PCDH11X: variants seen among roughly 807,000 people sequenced by gnomAD.
The protein encoded by PCDH11X is protocadherin-11 X-linked.
Under a neutral mutation model 53.3 loss-of-function variants are expected in PCDH11X, and 18 were observed. That is an observed-to-expected ratio of 0.34 (90% CI 0.23 to 0.50). The LOEUF (loss-of-function observed/expected upper bound fraction) is 0.50, where lower values mean the gene tolerates loss of function less well. Ranked by LOEUF, PCDH11X falls within the 20% of genes least tolerant of loss-of-function variation. PCDH11X has a pLI of 0.98. For missense variants in PCDH11X, 570 were observed against 1,032.4 expected, an observed-to-expected ratio of 0.55 and a Z score of 6.14; for synonymous variants, 279 against 393.3, an observed-to-expected ratio of 0.71 and a Z score of 3.44.
chrX:92,557,825 A>G (rs2075069298), intron 10 of PCDH11X, among the ~76,000 whole-genome samples: 1 of 109,829 alleles, frequency 9.1e-6, no homozygotes, highest in Admixed American at 9.7e-5. Flanking sequence ...AGTGACATGA[A>G]AAAAAAAACC....
chrX:92,591,744 C>A (rs941528374), intron 10 of PCDH11X, among the ~76,000 whole-genome samples: 10 of 111,303 alleles, frequency 9.0e-5, no homozygotes, highest in Non-Finnish European at 1.3e-4. Flanking sequence ...GATGAATCAG[C>A]ATGTTCTTCA....
chrX:92,042,319 T>C (rs2063220869), intron 6 of PCDH11X, among the ~76,000 whole-genome samples: 1 of 107,595 alleles, frequency 9.3e-6, no homozygotes, highest in African/African-American at 3.4e-5. Flanking sequence ...ATATATTTAC[T>C]TTTATTAAAT....
chrX:92,593,342 G>T (rs111231370), intron 10 of PCDH11X, among the ~76,000 whole-genome samples: 2,063 of 111,682 alleles, frequency 0.018, 38 homozygotes, highest in African/African-American at 0.06. Context: ...TTTGTCATGG[G>T]CTCTGCAATG....
intron 6 of PCDH11X, among the ~76,000 whole-genome samples, chrX:92,007,438 A>G (rs1182344290): frequency 9.0e-6 from 1 of 111,021 alleles, no homozygotes; most frequent in Admixed American, 9.6e-5. Flanking sequence ...ATACTCCCTT[A>G]TGACCCAAGG....
intron 8 of PCDH11X, among the ~76,000 whole-genome samples, chrX:92,310,156 T>C (rs2068918954): frequency 8.9e-6 from 1 of 112,048 alleles, no homozygotes; most frequent in East Asian, 2.8e-4. Flanking sequence ...CTTTATTACC[T>C]GATTCTAAAC....
At chrX:92,187,645 G>A (rs1360278145) in intron 6 of PCDH11X, among the ~76,000 whole-genome samples, 1 of 111,547 alleles carries the variant, frequency 9.0e-6, no homozygotes, top group Non-Finnish European at 1.9e-5. Context: ...TTATAATTCT[G>A]TCAATACTGC....
intron 6 of PCDH11X, among the ~76,000 whole-genome samples, chrX:92,025,704 G>T (rs1268323293): frequency 1.0e-5 from 1 of 100,317 alleles, no homozygotes. Flanking sequence ...CCAATACTGG[G>T]TATATACCCA....
At chrX:92,384,920 G>A (rs1375236721) in intron 8 of PCDH11X, among the ~76,000 whole-genome samples, 1 of 97,876 alleles carries the variant, frequency 1.0e-5, no homozygotes, top group Non-Finnish European at 2.1e-5. Flanking sequence ...AGGGCTGTTA[G>A]TGTATTTGTT....
chrX:92,100,640 G>A (rs184247592), intron 6 of PCDH11X, among the ~76,000 whole-genome samples: 7 of 110,936 alleles, frequency 6.3e-5, no homozygotes, highest in Middle Eastern at 9.2e-3. Flanking sequence ...GGTCGTATCC[G>A]TGCAAGTCAC....
rs1235308087 is a variant in PCDH11X at position 92,489,571 on chromosome X, C to CT, written c.3367+21258dup. Among the ~76,000 whole-genome samples, 3 of 107,648 alleles carry CT rather than the reference C, an allele frequency of 2.8e-5. No individual in the cohort carries two copies. The South Asian group carries it at 1.2e-3, about 43-fold the overall frequency. The allele number at this position is 107,648 out of a possible 115,157, so 93.5% of individuals were successfully genotyped here. On this transcript the variant is annotated intron_variant, in intron 10 of 10. Coordinates refer to ENST00000682573, the MANE Select transcript of PCDH11X (RefSeq NM_032968.5). ...TTTTCTGCATGTATCCCGACTCCTG[C>CT]TTTTTTTTTCCCCTTCAGATCCACA...
intron 6 of PCDH11X, among the ~76,000 whole-genome samples, chrX:92,180,810 G>A (rs770733098): frequency 3.6e-5 from 4 of 111,003 alleles, no homozygotes; most frequent in East Asian, 2.8e-4. Context: ...ATGGCCTTCC[G>A]CCATGATTTT....
chrX:92,564,778 C>T (rs1440524605), intron 10 of PCDH11X, among the ~76,000 whole-genome samples: 2 of 110,816 alleles, frequency 1.8e-5, no homozygotes, highest in African/African-American at 6.5e-5. Context: ...GGGATTTGGT[C>T]ATCAAATTAA....
intron 6 of PCDH11X, among the ~76,000 whole-genome samples, chrX:92,150,923 T>A (rs1239906486): frequency 9.0e-6 from 1 of 110,868 alleles, no homozygotes; most frequent in Non-Finnish European, 1.9e-5. Context: ...GTTTTGTGGT[T>A]CCCCTGTGAT....
At chrX:91,852,776 GC>G (rs767132532) in intron 5 of PCDH11X, among the ~76,000 whole-genome samples, 1 of 110,113 alleles carries the variant, frequency 9.1e-6, no homozygotes, top group Non-Finnish European at 1.9e-5. Context: ...ATTGTGACAA[GC>G]AAAAATGTCT....
At position 91,955,841 on chromosome X, in the gene PCDH11X, T is replaced by C. The variant is rs1373981883; in HGVS notation, c.3033+76568T>C. ...GTTAATTTTCTGTCTTGATGACATGTCTAATATTGTCAGTACATGTTAATG... is the reference window on the plus strand; with the variant it reads ...GTTAATTTTCTGTCTTGATGACATGCCTAATATTGTCAGTACATGTTAATG... On this transcript the variant is annotated intron_variant, in intron 6 of 10. Transcript: ENST00000682573. Among the ~76,000 whole-genome samples the C allele has an allele frequency of 7.2e-5, 8 of 110,990 alleles. No individual in the cohort carries two copies. In the Admixed American group the frequency reaches 7.7e-4, roughly 11 times the overall value.
intron 10 of PCDH11X, among the ~76,000 whole-genome samples, chrX:92,490,755 A>G: frequency 1.0e-5 from 1 of 100,456 alleles, no homozygotes; most frequent in East Asian, 3.7e-4. Context: ...AGAGAAAGAA[A>G]GAAAGAGAAA....
At chrX:92,358,901 A>G (rs1040546774) in intron 8 of PCDH11X, among the ~76,000 whole-genome samples, 2 of 109,142 alleles carry the variant, frequency 1.8e-5, no homozygotes, top group African/African-American at 6.6e-5. Context: ...TCAATAAGGC[A>G]AGGACATTTA....
At chrX:91,820,721 G>C (rs1428985471) in intron 4 of PCDH11X, among the ~76,000 whole-genome samples, 1 of 101,956 alleles carries the variant, frequency 9.8e-6, no homozygotes, top group Non-Finnish European at 1.9e-5. Flanking sequence ...CATTGCTTTT[G>C]GTGTTTTAGA....
At chrX:91,864,693 C>T (rs1278040288) in intron 5 of PCDH11X, among the ~76,000 whole-genome samples, 2 of 101,878 alleles carry the variant, frequency 2.0e-5, no homozygotes, top group Admixed American at 1.1e-4. Context: ...GGGCATGCTT[C>T]GTTGTTTTTT....
Sources: allele counts gnomAD v4.1 joint callset (sites outside exome capture counted in the v4.1 genomes callset), GRCh38; gene constraint gnomAD v4.1.1; transcripts MANE v1.5; gene names NCBI Gene and HGNC (gene_info 2026-07-23, HGNC 2026-07-21).